The following IGF2R variants were observed in gnomAD, a reference collection of about 807,000 sequenced individuals.
IGF2R encodes insulin like growth factor 2 receptor.
Under a neutral mutation model 270.6 loss-of-function variants are expected in IGF2R, and 91 were observed. The observed-to-expected ratio is 0.34, with a 90% CI of 0.28 to 0.40. The LOEUF (loss-of-function observed/expected upper bound fraction) is 0.40, where lower values mean the gene tolerates loss of function less well. IGF2R is among the 10% of genes least tolerant of loss of function. IGF2R has a pLI of 1.00. For missense variants in IGF2R, 2,805 were observed against 3,188.3 expected (o/e 0.88, Z 2.90); for synonymous variants, 1,316 against 1,258.9 (o/e 1.05, Z -0.96).
chr6:159,980,236 A>AAGGAAAGAAGGAAAG (rs1562330699), intron 1 of IGF2R, among the ~76,000 whole-genome samples: 7 of 136,114 alleles, frequency 5.1e-5, no homozygotes, highest in African/African-American at 1.8e-4. Context: ...AGAAAGAAAG[A>AAGGAAAGAAGGAAAG]AAGGTACATG....
At chr6:160,087,499 GGGTTTGACCCCA>G (rs1262901595) in intron 41 of IGF2R, among the ~76,000 whole-genome samples, 2 of 152,190 alleles carry the variant, frequency 1.3e-5, no homozygotes, top group African/African-American at 4.8e-5. Flanking sequence ...AGGAGGGTTT[GGGTTTGACCCCA>G]GGTCTTAGGC....
chr6:160,072,531 A>C (rs1778764980), intron 32 of IGF2R, among the ~76,000 whole-genome samples: 1 of 152,194 alleles, frequency 6.6e-6, no homozygotes, highest in Non-Finnish European at 1.5e-5. Context: ...ATGGCCCAGC[A>C]GAGGGTGCTG....
chr6:160,072,134 GGCAGCAGGC>G (rs1778754997), intron 32 of IGF2R, 98 bp downstream of exon 32: 1 of 1,498,370 alleles, frequency 6.7e-7, no homozygotes, highest in African/African-American at 1.4e-5. Flanking sequence ...AGAAGCTATG[GGCAGCAGGC>G]GCCCTGGGCA....
intron 23 of IGF2R, among the ~76,000 whole-genome samples, chr6:160,061,165 A>G (rs1264644129): frequency 3.3e-5 from 5 of 152,260 alleles, no homozygotes; most frequent in Admixed American, 3.3e-4. Context: ...TGTCAAGGGC[A>G]GTGGGGGTTT....
Position 160,102,602 on chromosome 6 carries a change from T to TGCTCAGCCTGCTGCTGGTGGC in IGF2R, c.6932_6952dup (p.Ser2311_Leu2317dup), listed in dbSNP as rs1779512192. 1 of 1,613,464 alleles carries TGCTCAGCCTGCTGCTGGTGGC rather than the reference T, an allele frequency of 6.2e-7. No homozygotes were observed. Among genetic ancestry groups the TGCTCAGCCTGCTGCTGGTGGC allele is most frequent in the East Asian group, 2.2e-5 (1 of 44,882 alleles). Reference sequence around the variant, plus strand: ...GAACGGAGCCAGGCAGTCGGCGCGGTGCTCAGCCTGCTGCTGGTGGCGCTC... The same window carrying TGCTCAGCCTGCTGCTGGTGGC: ...GAACGGAGCCAGGCAGTCGGCGCGGTGCTCAGCCTGCTGCTGGTGGCGCTCAGCCTGCTGCTGGTGGCGCTC... On this transcript the variant is annotated inframe_insertion, in exon 46 of 48. Coordinates refer to ENST00000356956, the MANE Select transcript of IGF2R (RefSeq NM_000876.4). The surrounding 1 kb of genome is among the most constrained non-coding windows in gnomAD (Gnocchi z 4.5).
At chr6:160,034,554 T>G in intron 10 of IGF2R, 32 bp downstream of exon 10, 2 of 1,355,216 alleles carry the variant, frequency 1.5e-6, no homozygotes, top group Non-Finnish European at 2.1e-6. Flanking sequence ...GCCCCTCCTC[T>G]TTGCATTCAT....
chr6:160,062,483 A>AT, intron 25 of IGF2R, 49 bp from the exon 26 acceptor site: 1 of 1,475,660 alleles, frequency 6.8e-7, no homozygotes, highest in Non-Finnish European at 9.5e-7. Flanking sequence ...CATTTGATTA[A>AT]TTTTTAAAAT....
chr6:160,100,814 A>C (rs1191965996), intron 45 of IGF2R, among the ~76,000 whole-genome samples: 1 of 57,244 alleles, frequency 1.7e-5, no homozygotes. Flanking sequence ...TTTTGGAGAC[A>C]GAGACTTGCT....
At chr6:160,076,963 A>C (rs1407110780) in intron 36 of IGF2R, among the ~76,000 whole-genome samples, 3 of 152,290 alleles carry the variant, frequency 2.0e-5, no homozygotes, top group South Asian at 2.1e-4. Context: ...TCTGATAAAG[A>C]CATCCTTCTG....
intron 44 of IGF2R, among the ~76,000 whole-genome samples, chr6:160,092,749 C>T (rs530278155): frequency 4.6e-5 from 7 of 152,324 alleles, no homozygotes; most frequent in East Asian, 3.9e-4. Context: ...GGGGCCCTCC[C>T]GGAGCGGAGC....
chr6:159,986,259 TCTCA>T (rs1414437859), intron 1 of IGF2R, among the ~76,000 whole-genome samples: 1 of 145,710 alleles, frequency 6.9e-6, no homozygotes, highest in African/African-American at 2.6e-5. Context: ...TGAGATGGAG[TCTCA>T]CTCTGTCACC....
rs1325919845 is a variant in IGF2R, at chr6:160,045,739, T to C, written c.1766-6T>C. On this transcript the variant is annotated splice_polypyrimidine_tract_variant and splice_region_variant and intron_variant, in intron 13 of 47. Coordinates refer to ENST00000356956, the MANE Select transcript of IGF2R (RefSeq NM_000876.4). ...AGTGATCCCCATCTCTTTTCCCCAT[T>C]GACAGGTGATCTGGAAAGTGCACCA... 1.2e-6 allele frequency: 2 copies of C among 1,613,992 alleles called. No individual in the cohort carries two copies. The highest frequency in any genetic ancestry group is 1.7e-5 in the Admixed American group (1 of 60,010).
rs532938542 is a variant in IGF2R at position 160,047,590 on chromosome 6, C to T, written c.2230-202C>T. Among the ~76,000 whole-genome samples the T allele has an allele frequency of 3.9e-5, 6 of 152,276 alleles. No homozygotes were observed. The East Asian group carries it at 1.2e-3, about 29-fold the overall frequency. ...GCATAAAAAAAAATCCTGAATTAAC[C>T]CCCACTTAGCAGAGGCTAAATTTTC... On this transcript the variant is annotated intron_variant, in intron 16 of 47. Transcript: ENST00000356956.
intron 19 of IGF2R, among the ~76,000 whole-genome samples, chr6:160,052,728 A>G (rs961134538): frequency 6.6e-6 from 1 of 152,226 alleles, no homozygotes; most frequent in Non-Finnish European, 1.5e-5. Flanking sequence ...ACTGGTGCAA[A>G]ACAGATATAT....
intron 8 of IGF2R, 28 bp downstream of exon 8, chr6:160,032,741 G>T: frequency 8.7e-6 from 14 of 1,609,218 alleles, no homozygotes; most frequent in Middle Eastern, 1.7e-4. Context: ...GCCTCCTGGC[G>T]CTGCTTAGGA....
At position 159,998,525 on chromosome 6, in the gene IGF2R, A is replaced by C. The variant is rs1442438441; in HGVS notation, c.289+7202A>C. ...GTTTTTAGGAAGCTGGCCCCGTGGA[A>C]TAGGAAACGATGCCTACAGGGGAGA... On this transcript the variant is annotated intron_variant, in intron 2 of 47. Transcript: ENST00000356956. This position sits in a 1 kb window ranked among gnomAD's most constrained non-coding sequence, Gnocchi z 4.1. Among the ~76,000 whole-genome samples the C allele has an allele frequency of 7.2e-5, 11 of 152,190 alleles. No homozygotes were observed. The highest frequency in any genetic ancestry group is 7.2e-4 in the Admixed American group (11 of 15,280).
At chr6:160,014,618 T>A (rs1360801500) in intron 4 of IGF2R, among the ~76,000 whole-genome samples, 3 of 152,248 alleles carry the variant, frequency 2.0e-5, no homozygotes, top group Non-Finnish European at 4.4e-5. Flanking sequence ...TCTTGCCATA[T>A]GCCATCTTGC....
intron 12 of IGF2R, 149 bp from the exon 13 acceptor site, chr6:160,044,365 C>T: frequency 1.4e-6 from 1 of 732,966 alleles, no homozygotes; most frequent in Non-Finnish European, 2.3e-6. Context: ...TTGGTGGGTT[C>T]AGGGGGCTGG....
rs755636304 is a variant in IGF2R at position 160,071,973 on chromosome 6, G to A, written c.4507G>A (p.Ala1503Thr). 2 of 1,614,190 alleles carry A rather than the reference G, an allele frequency of 1.2e-6. No individual in the cohort carries two copies. Among genetic ancestry groups the A allele is most frequent in the Non-Finnish European group, 1.7e-6 (2 of 1,180,034 alleles). Residue 1503 changes from alanine (A) to threonine (T), a missense_variant, in exon 32 of 48, where the codon GCC becomes ACC. Physicochemically the swap from Ala to Thr is moderately conservative, Grantham distance 58. This residue lies in a region of IGF2R where 1,851 missense variants were observed against 2,207.2 expected (regional missense o/e 0.84). Transcript: ENST00000356956. Reference protein sequence around the residue: ...DCEYTFAWPTATACPMKSNEH... With the variant: ...DCEYTFAWPTTTACPMKSNEH... ...TGAGTACACCTTTGCCTGGCCCACA[G>A]CCACAGCCTGTCCCATGAAGAGCAA...
Sources: gnomAD v4.1 joint callset for allele counts (sites outside exome capture counted in the v4.1 genomes callset) on GRCh38, gnomAD v4.1.1 for gene constraint, gnomAD v4.1.1 regional missense constraint, Gnocchi (gnomAD v3.1) non-coding constraint, MANE v1.5 for transcripts, NCBI Gene and HGNC (gene_info 2026-07-23, HGNC 2026-07-21) for gene names.